DLG2: variants seen among roughly 807,000 people sequenced by gnomAD.
DLG2 encodes discs large MAGUK scaffold protein 2, also known as disks large homolog 2.
Under a neutral mutation model 132.5 loss-of-function variants are expected in DLG2, and 45 were observed. The ratio of observed to expected loss-of-function variants is 0.34; its 90% CI spans 0.27 to 0.44. The LOEUF (loss-of-function observed/expected upper bound fraction) is 0.44, where lower values mean the gene tolerates loss of function less well. DLG2 is among the 20% of genes least tolerant of loss of function. The pLI is 1.00. For synonymous variants in DLG2, 424 were observed against 419.6 expected (o/e 1.01, Z -0.13); for missense variants, 1,045 against 1,196.9 (o/e 0.87, Z 1.87).
intron 3 of DLG2, among the ~76,000 whole-genome samples, chr11:85,581,728 G>A (rs2078539655): frequency 6.6e-6 from 1 of 152,142 alleles, no homozygotes; most frequent in Non-Finnish European, 1.5e-5. Flanking sequence ...CAGATAAGAG[G>A]AGAGACCATT....
chr11:83,997,334 A>T (rs73511906), intron 11 of DLG2, among the ~76,000 whole-genome samples: 99 of 152,288 alleles, frequency 6.5e-4, no homozygotes, highest in African/African-American at 2.2e-3. Flanking sequence ...CAAGAAAATC[A>T]TTCTAGGTCC....
intron 3 of DLG2, among the ~76,000 whole-genome samples, chr11:85,310,113 T>C (rs902241910): frequency 6.6e-6 from 1 of 152,152 alleles, no homozygotes; most frequent in South Asian, 2.1e-4. Context: ...TTCAGCACTA[T>C]CTAAAATGAA....
chr11:84,756,442 G>A (rs879152712), intron 6 of DLG2, among the ~76,000 whole-genome samples: 4 of 152,200 alleles, frequency 2.6e-5, no homozygotes, highest in Non-Finnish European at 5.9e-5. Flanking sequence ...TTTATACAGT[G>A]ATGTGGAGAA....
intron 3 of DLG2, among the ~76,000 whole-genome samples, chr11:85,516,764 G>T (rs2094177592): frequency 6.6e-6 from 1 of 151,956 alleles, no homozygotes; most frequent in African/African-American, 2.4e-5. Flanking sequence ...TGAGTAGTGA[G>T]ATTGAATCAG....
intron 18 of DLG2, among the ~76,000 whole-genome samples, chr11:83,707,827 C>A (rs1423146213): frequency 6.6e-6 from 1 of 152,228 alleles, no homozygotes; most frequent in Admixed American, 6.5e-5. Flanking sequence ...ACCCAGCACA[C>A]ATAGTTCAAT....
chr11:84,617,693 C>A (rs907220634), intron 6 of DLG2, among the ~76,000 whole-genome samples: 1 of 152,056 alleles, frequency 6.6e-6, no homozygotes, highest in East Asian at 1.9e-4. Flanking sequence ...AAACATTAGA[C>A]TATTAGGATG....
rs538561942 is a variant in DLG2 at position 83,993,382 on chromosome 11, G to A, written c.920-12740C>T. On this transcript the variant is annotated intron_variant, in intron 11 of 27. Transcript: ENST00000376104. ...ATTGCTTTAGCTCAAGGGGGAAAAAGTATATGTTGAGCATTTTTAATGTGC... is the reference window on the plus strand; with the variant it reads ...ATTGCTTTAGCTCAAGGGGGAAAAAATATATGTTGAGCATTTTTAATGTGC... 2.0e-5 allele frequency among the ~76,000 whole-genome samples: 3 copies of A among 152,238 alleles called. No homozygotes were observed. The East Asian group carries it at 5.8e-4, about 29-fold the overall frequency.
At chr11:85,473,999 G>A (rs1292832800) in intron 3 of DLG2, among the ~76,000 whole-genome samples, 3 of 151,910 alleles carry the variant, frequency 2.0e-5, no homozygotes, top group South Asian at 2.1e-4. Flanking sequence ...AATATAAACA[G>A]AATAAACAAC....
intron 7 of DLG2, among the ~76,000 whole-genome samples, chr11:84,322,870 G>A (rs2098412195): frequency 6.6e-6 from 1 of 152,134 alleles, no homozygotes; most frequent in Admixed American, 6.6e-5. Flanking sequence ...GATTACAGGA[G>A]TGAGCCACCA....
chr11:85,143,618 T>C (rs181555136), intron 5 of DLG2, among the ~76,000 whole-genome samples: 1 of 151,862 alleles, frequency 6.6e-6, no homozygotes, highest in East Asian at 1.9e-4. Context: ...AGTTTATGTA[T>C]GTTGTGTTTC....
chr11:83,928,239 G>A lies in DLG2; in HGVS notation c.1496+2089C>T, dbSNP rs904862464. ...GGGGGTTGGGGCCTGGTGCATATCA[G>A]AATTAGGGTGTGTAATTTGAAAAAA... On this transcript the variant is annotated intron_variant, in intron 15 of 27. Coordinates refer to ENST00000376104, the MANE Select transcript of DLG2 (RefSeq NM_001142699.3). Among the ~76,000 whole-genome samples the A allele has an allele frequency of 6.6e-5, 10 of 151,870 alleles. No individual in the cohort carries two copies. The East Asian group carries it at 1.9e-3, about 29-fold the overall frequency.
chr11:85,268,833 A>G (rs6592235), intron 4 of DLG2, among the ~76,000 whole-genome samples: 14,216 of 152,218 alleles, frequency 0.093, 880 homozygotes, highest in African/African-American at 0.17. Context: ...AAAGGTTGGG[A>G]GAAGAATTAG....
chr11:84,926,492 T>C (rs1454536081), intron 6 of DLG2, among the ~76,000 whole-genome samples: 1 of 152,018 alleles, frequency 6.6e-6, no homozygotes, highest in Non-Finnish European at 1.5e-5. Context: ...CCAAGTTATA[T>C]ATAATATTAT....
chr11:84,506,125 G>C (rs1343631398), intron 7 of DLG2, among the ~76,000 whole-genome samples: 1 of 129,690 alleles, frequency 7.7e-6, no homozygotes, highest in African/African-American at 3.3e-5. Context: ...GCCCAGGCTG[G>C]AGTGCAGTGG....
chr11:83,796,292 G>A (rs540389210), intron 17 of DLG2, among the ~76,000 whole-genome samples: 7 of 152,238 alleles, frequency 4.6e-5, no homozygotes, highest in African/African-American at 1.7e-4. Flanking sequence ...CAGCTCCAGT[G>A]ATTAAAACAA....
Position 85,063,905 on chromosome 11 carries a change from G to A in DLG2, c.357+47756C>T, listed in dbSNP as rs1166386699. On this transcript the variant is annotated intron_variant, in intron 6 of 27. Transcript: ENST00000376104. ...AAGGCACTCATCTGGGTTCTGTGGT[G>A]ACAAATAAGGCGATATTAGACTAAA... is the stretch of plus-strand genomic sequence containing the variant. 2.0e-5 allele frequency among the ~76,000 whole-genome samples: 3 copies of A among 151,774 alleles called. No individual in the cohort carries two copies. The Admixed American group carries it at 2.0e-4, about 10-fold the overall frequency.
intron 21 of DLG2, among the ~76,000 whole-genome samples, chr11:83,514,470 T>G (rs1415690883): frequency 6.6e-6 from 1 of 152,230 alleles, no homozygotes; most frequent in Non-Finnish European, 1.5e-5. Flanking sequence ...TCATGTCATC[T>G]GCAAACAGGC....
chr11:84,866,159 C>CTATT (rs1290957233), intron 6 of DLG2, among the ~76,000 whole-genome samples: 3 of 151,990 alleles, frequency 2.0e-5, no homozygotes, highest in Non-Finnish European at 4.4e-5. Context: ...TGAAACACAT[C>CTATT]TATTCTGTGC....
chr11:84,435,145 C>T (rs564014006), intron 7 of DLG2, among the ~76,000 whole-genome samples: 32 of 151,882 alleles, frequency 2.1e-4, no homozygotes, highest in Non-Finnish European at 4.4e-4. Context: ...CTTTACATGC[C>T]CCACTGTTTT....
Sources: gnomAD v4.1 joint callset for allele counts (sites outside exome capture counted in the v4.1 genomes callset) on GRCh38, gnomAD v4.1.1 for gene constraint, MANE v1.5 for transcripts, NCBI Gene and HGNC (gene_info 2026-07-23, HGNC 2026-07-21) for gene names.